The following CNTNAP2 variants were observed in gnomAD, a reference collection of about 807,000 sequenced individuals.
CNTNAP2 encodes contactin associated protein 2.
Under a neutral mutation model 155.2 loss-of-function variants are expected in CNTNAP2, and 98 were observed. The observed-to-expected ratio is 0.63, with a 90% CI of 0.54 to 0.75. CNTNAP2 has a LOEUF of 0.75. Among genes scored for constraint, CNTNAP2 ranks in the 30% least tolerant of loss-of-function variants. CNTNAP2 has a pLI of 0.00. For missense variants in CNTNAP2, 1,727 were observed against 1,688.1 expected, an observed-to-expected ratio of 1.02 and a Z score of -0.40; for synonymous variants, 651 against 631.2, an observed-to-expected ratio of 1.03 and a Z score of -0.47.
chr7:147,390,055 G>A (rs1796683694), intron 9 of CNTNAP2, among the ~76,000 whole-genome samples: 1 of 152,056 alleles, frequency 6.6e-6, no homozygotes, highest in South Asian at 2.1e-4. Flanking sequence ...TAATACACTA[G>A]TATTTTTACT....
intron 11 of CNTNAP2, among the ~76,000 whole-genome samples, chr7:147,519,697 A>G (rs1243222759): frequency 1.3e-5 from 2 of 152,072 alleles, no homozygotes; most frequent in Admixed American, 6.6e-5. Flanking sequence ...ACCCCATCTC[A>G]ACTAAACAAA....
intron 1 of CNTNAP2, among the ~76,000 whole-genome samples, chr7:146,150,603 A>G (rs1229272784): frequency 6.6e-6 from 1 of 151,820 alleles, no homozygotes; most frequent in African/African-American, 2.4e-5. Flanking sequence ...TATCACCTAC[A>G]TAGGGGCAAT....
intron 15 of CNTNAP2, among the ~76,000 whole-genome samples, chr7:148,055,402 G>A (rs181904624): frequency 2.6e-5 from 4 of 152,098 alleles, no homozygotes; most frequent in East Asian, 1.9e-4. Flanking sequence ...CTATGCACCC[G>A]TGTCATCTAA....
rs189363533 is a variant in CNTNAP2 at position 146,885,701 on chromosome 7, G to A, written c.402+45797G>A. Among the ~76,000 whole-genome samples, 6 of 152,102 alleles carry A rather than the reference G, an allele frequency of 3.9e-5. No homozygotes were observed. The East Asian group carries it at 9.6e-4, about 24-fold the overall frequency. On this transcript the variant is annotated intron_variant, in intron 3 of 23. Coordinates refer to ENST00000361727, the MANE Select transcript of CNTNAP2 (RefSeq NM_014141.6). ...CAATTAGTTGGACATGGATTGAAAC[G>A]AGCCAATAAGAAAACTTAAGTGATT... is the stretch of plus-strand genomic sequence containing the variant.
intron 12 of CNTNAP2, among the ~76,000 whole-genome samples, chr7:147,629,908 C>G (rs1230038603): frequency 2.6e-5 from 4 of 151,486 alleles, no homozygotes; most frequent in Non-Finnish European, 2.9e-5. Context: ...AAGATTATAC[C>G]TCAAGCAAAT....
At chr7:146,670,244 T>C (rs1383155091) in intron 1 of CNTNAP2, among the ~76,000 whole-genome samples, 3 of 152,182 alleles carry the variant, frequency 2.0e-5, no homozygotes, top group African/African-American at 7.2e-5. Flanking sequence ...ATTAGTTACA[T>C]ACTGCTTGGA....
intron 10 of CNTNAP2, among the ~76,000 whole-genome samples, chr7:147,436,366 T>C (rs567004388): frequency 3.3e-5 from 5 of 152,284 alleles, no homozygotes; most frequent in African/African-American, 1.2e-4. Flanking sequence ...ATTTTAAATT[T>C]CAGTTAAAAA....
intron 1 of CNTNAP2, among the ~76,000 whole-genome samples, chr7:146,514,390 T>C (rs1190817506): frequency 2.0e-5 from 3 of 152,052 alleles, no homozygotes; most frequent in Non-Finnish European, 4.4e-5. Context: ...GGCTATTCTC[T>C]AGATCTCATA....
intron 10 of CNTNAP2, among the ~76,000 whole-genome samples, chr7:147,426,767 G>A (rs1285727623): frequency 6.6e-6 from 1 of 152,122 alleles, no homozygotes; most frequent in African/African-American, 2.4e-5. Flanking sequence ...TATGTCTTCA[G>A]TGTCTCACCT....
chr7:146,493,005 T>C lies in CNTNAP2; in HGVS notation c.98-281266T>C, dbSNP rs184447705. On this transcript the variant is annotated intron_variant, in intron 1 of 23. Transcript: ENST00000361727. ...TGATGTAATGAATACTTGAGTAATC[T>C]AAGCGCAATTTAAGGATAAGTCTAT... Among the ~76,000 whole-genome samples, 4 of 152,336 alleles carry C rather than the reference T, an allele frequency of 2.6e-5. No individual in the cohort carries two copies. In the East Asian group the frequency reaches 7.7e-4, roughly 29 times the overall value.
intron 18 of CNTNAP2, among the ~76,000 whole-genome samples, chr7:148,206,078 C>T (rs56324284): frequency 0.34 from 51,405 of 151,114 alleles, 8,993 homozygotes; most frequent in South Asian, 0.43. Flanking sequence ...CCCAAAATTA[C>T]TTGTGTGTAT....
intron 9 of CNTNAP2, among the ~76,000 whole-genome samples, chr7:147,321,603 C>T (rs73742552): frequency 0.053 from 8,116 of 152,256 alleles, 283 homozygotes; most frequent in African/African-American, 0.1. Flanking sequence ...CTCCTGGAGA[C>T]TTTGCTAAAC....
chr7:146,969,056 A>G (rs1251605710), intron 3 of CNTNAP2, among the ~76,000 whole-genome samples: 2 of 149,494 alleles, frequency 1.3e-5, no homozygotes, highest in East Asian at 1.9e-4. Flanking sequence ...TTCTGCCTTC[A>G]TTTCGTTATG....
At position 148,415,878 on chromosome 7, in the gene CNTNAP2, G is replaced by A; in HGVS notation, c.*262G>A. On this transcript the variant is annotated 3_prime_UTR_variant, in exon 24 of 24. Coordinates refer to ENST00000361727, the MANE Select transcript of CNTNAP2 (RefSeq NM_014141.6). ...AAATGCTTTTAGAGTTTAAGCAATG[G>A]TTGAAATTTGTAGGTACTATCTGTC... 3.5e-6 allele frequency: 2 copies of A among 568,676 alleles called. No homozygotes were observed. Among genetic ancestry groups the A allele is most frequent in the South Asian group, 4.5e-5 (2 of 44,146 alleles). 35.2% of individuals were successfully genotyped at this position (568,676 alleles called of 1,614,324 possible).
chr7:147,595,080 C>T (rs957249864), intron 12 of CNTNAP2, among the ~76,000 whole-genome samples: 3 of 152,046 alleles, frequency 2.0e-5, no homozygotes, highest in Non-Finnish European at 4.4e-5. Flanking sequence ...TGCCCAAATC[C>T]AGAGCAGAGG....
intron 3 of CNTNAP2, among the ~76,000 whole-genome samples, chr7:146,934,434 C>T (rs1029844700): frequency 3.1e-5 from 3 of 97,998 alleles, no homozygotes; most frequent in East Asian, 2.7e-4. Context: ...CACTCCGTGG[C>T]CTGTTGTGGG....
intron 8 of CNTNAP2, among the ~76,000 whole-genome samples, chr7:147,235,630 C>T (rs562084713): frequency 5.8e-4 from 88 of 152,128 alleles, no homozygotes; most frequent in African/African-American, 2.0e-3. Context: ...ATAATCCATT[C>T]TCGCTTCTAT....
chr7:146,509,354 A>G (rs981251827), intron 1 of CNTNAP2, among the ~76,000 whole-genome samples: 4 of 152,170 alleles, frequency 2.6e-5, no homozygotes, highest in African/African-American at 9.7e-5. Context: ...AATGGAGGCC[A>G]ACTTTTCCAT....
intron 8 of CNTNAP2, among the ~76,000 whole-genome samples, chr7:147,238,382 T>C (rs1803862544): frequency 6.7e-6 from 1 of 148,636 alleles, no homozygotes; most frequent in Admixed American, 6.8e-5. Context: ...CCAAATTTCA[T>C]TCCTACAAAT....
Sources: gnomAD v4.1 joint callset for allele counts (sites outside exome capture counted in the v4.1 genomes callset) on GRCh38, gnomAD v4.1.1 for gene constraint, MANE v1.5 for transcripts, NCBI Gene and HGNC (gene_info 2026-07-23, HGNC 2026-07-21) for gene names.